The following TAFA1 variants were observed in gnomAD, a reference collection of about 807,000 sequenced individuals.
TAFA1 encodes TAFA chemokine like family member 1.
TAFA1 carries 4 observed loss-of-function variants against 18.5 expected under a neutral mutation model. The observed-to-expected ratio is 0.22, with a 90% CI of 0.11 to 0.49. The LOEUF (loss-of-function observed/expected upper bound fraction) is 0.49. Among genes scored for constraint, TAFA1 ranks in the 20% least tolerant of loss-of-function variants. TAFA1 has a pLI of 0.98. For missense variants in TAFA1, 147 were observed against 169.0 expected, an observed-to-expected ratio of 0.87 and a Z score of 0.72; for synonymous variants, 56 against 55.2, an observed-to-expected ratio of 1.01 and a Z score of -0.06.
intron 2 of TAFA1, among the ~76,000 whole-genome samples, chr3:68,366,127 C>A (rs2069569453): frequency 6.7e-6 from 1 of 149,476 alleles, no homozygotes; most frequent in Non-Finnish European, 1.5e-5. Flanking sequence ...TCTCGTGAGA[C>A]TTATTCACTA....
intron 2 of TAFA1, among the ~76,000 whole-genome samples, chr3:68,108,055 T>G (rs1254991101): frequency 1.3e-5 from 2 of 152,094 alleles, no homozygotes; most frequent in African/African-American, 4.8e-5. Context: ...TCTAATCACA[T>G]TATGTTCTAA....
At chr3:68,323,284 G>T (rs908209975) in intron 2 of TAFA1, among the ~76,000 whole-genome samples, 1 of 152,166 alleles carries the variant, frequency 6.6e-6, no homozygotes, top group Non-Finnish European at 1.5e-5. Flanking sequence ...TACATTAGCT[G>T]CCACCTGCAG....
chr3:68,132,902 G>A (rs1356441144), intron 2 of TAFA1, among the ~76,000 whole-genome samples: 1 of 152,010 alleles, frequency 6.6e-6, no homozygotes, highest in African/African-American at 2.4e-5. Flanking sequence ...TGTCAATTTT[G>A]GCTTTTGTTG....
intron 2 of TAFA1, among the ~76,000 whole-genome samples, chr3:68,203,597 C>A (rs149138920): frequency 2.0e-3 from 304 of 151,740 alleles, no homozygotes; most frequent in African/African-American, 7.1e-3. Context: ...TTTAGTAAGC[C>A]TATGCTCTGT....
At chr3:68,439,435 A>ATATATATATC (rs1553691011) in intron 3 of TAFA1, among the ~76,000 whole-genome samples, 3 of 136,328 alleles carry the variant, frequency 2.2e-5, no homozygotes, top group African/African-American at 8.2e-5. Context: ...ATATATATAT[A>ATATATATATC]TATATATATG....
chr3:68,372,841 C>T (rs2069737952), intron 2 of TAFA1, among the ~76,000 whole-genome samples: 1 of 152,002 alleles, frequency 6.6e-6, no homozygotes, highest in Admixed American at 6.6e-5. Flanking sequence ...AAGAATAGCC[C>T]CAATAAGAAG....
At chr3:68,129,788 T>A (rs2106878971) in intron 2 of TAFA1, among the ~76,000 whole-genome samples, 1 of 152,322 alleles carries the variant, frequency 6.6e-6, no homozygotes, top group South Asian at 2.1e-4. Context: ...CTGGGTTCCA[T>A]GGGAATCGTA....
At chr3:68,226,295 C>T (rs1471427544) in intron 2 of TAFA1, among the ~76,000 whole-genome samples, 6 of 152,152 alleles carry the variant, frequency 3.9e-5, no homozygotes, top group Non-Finnish European at 8.8e-5. Flanking sequence ...TGCTTTCATG[C>T]CTATTAACAA....
intron 2 of TAFA1, among the ~76,000 whole-genome samples, chr3:68,157,836 T>C (rs2065882131): frequency 6.6e-6 from 1 of 152,218 alleles, no homozygotes; most frequent in South Asian, 2.1e-4. Context: ...GCTTTATTAT[T>C]AACAAAAATA....
intron 2 of TAFA1, among the ~76,000 whole-genome samples, chr3:68,209,502 G>A (rs2066568223): frequency 6.6e-6 from 1 of 152,014 alleles, no homozygotes; most frequent in South Asian, 2.1e-4. Context: ...TAAGTTAAGA[G>A]GGTAGCATAT....
In TAFA1 at chr3:68,419,483, A is replaced by G. The variant is rs368316574; in HGVS notation, c.259+2063A>G. 2.0e-4 allele frequency among the ~76,000 whole-genome samples: 31 copies of G among 152,278 alleles called. No individual in the cohort carries two copies. The East Asian group carries it at 4.4e-3, about 22-fold the overall frequency. On this transcript the variant is annotated intron_variant, in intron 3 of 4. Coordinates refer to ENST00000478136, the MANE Select transcript of TAFA1 (RefSeq NM_213609.4). The stretch of plus-strand genomic sequence containing the variant: ...ACCACCACCTTTAAGACAATTTTAT[A>G]TGTTACTGTCAAACAATGAGTCCAA...
Position 68,261,505 on chromosome 3 carries a change from G to C in TAFA1, c.119-155775G>C, listed in dbSNP as rs142523874. ...GCACTATTCACAATAGCAAAGTCTT[G>C]GAACCAACCCAAATGTCCAACAACA... is the stretch of plus-strand genomic sequence containing the variant. On this transcript the variant is annotated intron_variant, in intron 2 of 4. Coordinates refer to ENST00000478136, the MANE Select transcript of TAFA1 (RefSeq NM_213609.4). Among the ~76,000 whole-genome samples the C allele has an allele frequency of 3.9e-3, 588 of 152,216 alleles. 4 individuals carry two copies. The highest frequency in any genetic ancestry group is 0.013 in the African/African-American group (538 of 41,530).
intron 2 of TAFA1, among the ~76,000 whole-genome samples, chr3:68,144,365 G>A (rs2065710659): frequency 6.6e-6 from 1 of 152,136 alleles, no homozygotes. Context: ...AAGGAGCCCA[G>A]CATTTGAATG....
intron 2 of TAFA1, among the ~76,000 whole-genome samples, chr3:68,271,834 T>TCACACACA (rs201531729): frequency 2.7e-5 from 4 of 150,456 alleles, no homozygotes; most frequent in African/African-American, 9.9e-5. Flanking sequence ...TCTCTCTCTC[T>TCACACACA]CTCACACACA....
intron 2 of TAFA1, among the ~76,000 whole-genome samples, chr3:68,156,589 T>C (rs2065869671): frequency 6.6e-6 from 1 of 152,162 alleles, no homozygotes; most frequent in South Asian, 2.1e-4. Flanking sequence ...TGTTGGGCAA[T>C]AAAATGATCC....
chr3:68,013,332 CATT>C (rs1704508362), intron 2 of TAFA1, among the ~76,000 whole-genome samples: 1 of 152,032 alleles, frequency 6.6e-6, no homozygotes, highest in Admixed American at 6.6e-5. Flanking sequence ...GTGTCATAAA[CATT>C]ATTTTGTCAG....
At chr3:68,116,824 G>A (rs2065330372) in intron 2 of TAFA1, among the ~76,000 whole-genome samples, 1 of 152,130 alleles carries the variant, frequency 6.6e-6, no homozygotes, top group South Asian at 2.1e-4. Flanking sequence ...CCACCTGCCT[G>A]GGTTTGTAAA....
intron 2 of TAFA1, among the ~76,000 whole-genome samples, chr3:68,360,005 C>A (rs262235): frequency 6.6e-6 from 1 of 151,664 alleles, no homozygotes; most frequent in Non-Finnish European, 1.5e-5. Flanking sequence ...CATTCTGTTA[C>A]TGTATGTTTT....
At chr3:68,062,148 G>A (rs2106728044) in intron 2 of TAFA1, among the ~76,000 whole-genome samples, 1 of 152,138 alleles carries the variant, frequency 6.6e-6, no homozygotes, top group Admixed American at 6.5e-5. Flanking sequence ...TTATTTTTGT[G>A]TAGACTAAGT....
Sources: allele counts gnomAD v4.1 joint callset (sites outside exome capture counted in the v4.1 genomes callset), GRCh38; gene constraint gnomAD v4.1.1; transcripts MANE v1.5; gene names NCBI Gene and HGNC (gene_info 2026-07-23, HGNC 2026-07-21).